HS6ST3: variants seen among roughly 807,000 people sequenced by gnomAD.
HS6ST3 encodes heparan-sulfate 6-O-sulfotransferase 3.
In HS6ST3, 12 loss-of-function variants were observed where a neutral mutation model predicts 36.7. The observed-to-expected ratio is 0.33, with a 90% CI of 0.21 to 0.53. The LOEUF (loss-of-function observed/expected upper bound fraction) is 0.53, where lower values mean the gene tolerates loss of function less well. HS6ST3 is among the 20% of genes least tolerant of loss of function. The pLI is 0.95. For synonymous variants in HS6ST3, 240 were observed against 257.5 expected, an observed-to-expected ratio of 0.93 and a Z score of 0.65; for missense variants, 584 against 640.9, an observed-to-expected ratio of 0.91 and a Z score of 0.96.
At chr13:96,696,544 G>A (rs72645504) in intron 1 of HS6ST3, among the ~76,000 whole-genome samples, 226 of 152,336 alleles carry the variant, frequency 1.5e-3, no homozygotes, top group Non-Finnish European at 2.5e-3. Context: ...AACAACAGCA[G>A]AGGAAGGGGC....
intron 1 of HS6ST3, among the ~76,000 whole-genome samples, chr13:96,213,444 A>G (rs915297475): frequency 2.0e-5 from 3 of 152,116 alleles, no homozygotes; most frequent in Admixed American, 6.5e-5. Context: ...TACCTGTACT[A>G]TGACAGCTGA....
chr13:96,799,307 C>G (rs1055165818), intron 1 of HS6ST3, among the ~76,000 whole-genome samples: 5 of 152,090 alleles, frequency 3.3e-5, no homozygotes, highest in Admixed American at 6.6e-5. Context: ...GCCATTCTAA[C>G]TGGTGTGAGA....
chr13:96,458,455 T>G (rs1248814266), intron 1 of HS6ST3, among the ~76,000 whole-genome samples: 1 of 152,152 alleles, frequency 6.6e-6, no homozygotes, highest in Non-Finnish European at 1.5e-5. Context: ...CATTTCTCTC[T>G]TTGAGTTCAG....
chr13:96,656,642 C>G (rs79474402), intron 1 of HS6ST3, among the ~76,000 whole-genome samples: 1,839 of 152,184 alleles, frequency 0.012, 32 homozygotes, highest in African/African-American at 0.042. Flanking sequence ...TTTTCTGCCT[C>G]TGGACAATGT....
chr13:96,628,165 C>A (rs1254102963), intron 1 of HS6ST3, among the ~76,000 whole-genome samples: 1 of 151,776 alleles, frequency 6.6e-6, no homozygotes, highest in South Asian at 2.1e-4. Flanking sequence ...ATTAATTTCT[C>A]TCAGTATTCA....
intron 1 of HS6ST3, among the ~76,000 whole-genome samples, chr13:96,636,033 A>G (rs966622412): frequency 1.3e-5 from 2 of 152,150 alleles, no homozygotes; most frequent in Admixed American, 1.3e-4. Context: ...TTAAAGAAAC[A>G]CAATCCCTTA....
chr13:96,197,795 A>G (rs142852847), intron 1 of HS6ST3, among the ~76,000 whole-genome samples: 4 of 152,262 alleles, frequency 2.6e-5, no homozygotes, highest in East Asian at 3.9e-4. Flanking sequence ...TCCAGCTTTC[A>G]TGGGCTGGGG....
chr13:96,251,248 A>G (rs1463574494), intron 1 of HS6ST3, among the ~76,000 whole-genome samples: 1 of 152,114 alleles, frequency 6.6e-6, no homozygotes, highest in Admixed American at 6.6e-5. Context: ...TTAAAAAATT[A>G]CTGATTTAAT....
intron 1 of HS6ST3, among the ~76,000 whole-genome samples, chr13:96,151,312 G>A (rs1166938140): frequency 6.6e-6 from 1 of 151,612 alleles, no homozygotes; most frequent in Non-Finnish European, 1.5e-5. Flanking sequence ...GCTGAGGCAG[G>A]AGAATTGTTT....
chr13:96,780,900 G>A (rs1877508841), intron 1 of HS6ST3, among the ~76,000 whole-genome samples: 1 of 151,722 alleles, frequency 6.6e-6, no homozygotes, highest in South Asian at 2.1e-4. Flanking sequence ...CAATCAAACA[G>A]CAGCAGCAGC....
chr13:96,140,757 C>T (rs1411289988), intron 1 of HS6ST3, among the ~76,000 whole-genome samples: 2 of 152,108 alleles, frequency 1.3e-5, no homozygotes, highest in African/African-American at 4.8e-5. Context: ...ATCAAAAATG[C>T]AGCTTTTATG....
chr13:96,545,647 T>C (rs529350749), intron 1 of HS6ST3, among the ~76,000 whole-genome samples: 7 of 152,342 alleles, frequency 4.6e-5, no homozygotes, highest in African/African-American at 1.7e-4. Context: ...GTCTTTCAGG[T>C]GATTCTTTGA....
chr13:96,515,085 A>G (rs914246749), intron 1 of HS6ST3, among the ~76,000 whole-genome samples: 4 of 152,250 alleles, frequency 2.6e-5, no homozygotes, highest in Admixed American at 1.3e-4. Flanking sequence ...CCTGGAAAGT[A>G]GGAGACTTGC....
At chr13:96,701,931 C>T (rs1346427831) in intron 1 of HS6ST3, among the ~76,000 whole-genome samples, 1 of 152,142 alleles carries the variant, frequency 6.6e-6, no homozygotes, top group Admixed American at 6.6e-5. Flanking sequence ...CACTGCACTG[C>T]AGCCTAGATG....
intron 1 of HS6ST3, among the ~76,000 whole-genome samples, chr13:96,169,259 A>T (rs1299376424): frequency 2.2e-4 from 33 of 149,674 alleles, no homozygotes; most frequent in Admixed American, 2.0e-4. Flanking sequence ...CCAGTGTGGC[A>T]TTTTTTTTTT....
intron 1 of HS6ST3, among the ~76,000 whole-genome samples, chr13:96,602,868 G>C (rs1021982159): frequency 1.3e-5 from 2 of 152,178 alleles, no homozygotes; most frequent in East Asian, 3.9e-4. Context: ...TTTTCTTCAA[G>C]TGGACAGTTA....
chr13:96,397,493 A>C (rs1390604319), intron 1 of HS6ST3, among the ~76,000 whole-genome samples: 1 of 152,164 alleles, frequency 6.6e-6, no homozygotes, highest in East Asian at 1.9e-4. Context: ...TTGACTCATC[A>C]ATATAAATTG....
At chr13:96,530,916 G>C (rs940626085) in intron 1 of HS6ST3, among the ~76,000 whole-genome samples, 3 of 152,158 alleles carry the variant, frequency 2.0e-5, no homozygotes, top group African/African-American at 7.2e-5. Context: ...TTGATTTAGT[G>C]TATCTGATGA....
chr13:96,549,540 A>G (rs1343460969), intron 1 of HS6ST3, among the ~76,000 whole-genome samples: 1 of 152,226 alleles, frequency 6.6e-6, no homozygotes, highest in African/African-American at 2.4e-5. Context: ...ACTAATATTT[A>G]AAGTGAATGC....
Sources: gnomAD v4.1 joint callset for allele counts (sites outside exome capture counted in the v4.1 genomes callset) on GRCh38, gnomAD v4.1.1 for gene constraint, MANE v1.5 for transcripts, NCBI Gene and HGNC (gene_info 2026-07-23, HGNC 2026-07-21) for gene names.